Variants in RCN2 observed in about 807,000 individuals in gnomAD.
RCN2 encodes reticulocalbin-2.
In RCN2, 23 loss-of-function variants were observed where a neutral mutation model predicts 37.5. The ratio of observed to expected loss-of-function variants is 0.61; its 90% CI spans 0.44 to 0.87. The LOEUF (loss-of-function observed/expected upper bound fraction) is 0.87. Ranked by LOEUF, RCN2 falls within the 40% of genes least tolerant of loss-of-function variation. The pLI, the probability that RCN2 is intolerant of heterozygous loss-of-function variation, is 0.00. For synonymous variants in RCN2, 140 were observed against 144.6 expected, an observed-to-expected ratio of 0.97 and a Z score of 0.23; for missense variants, 381 against 390.4, an observed-to-expected ratio of 0.98 and a Z score of 0.20.
rs982403967 is a variant in RCN2, at chr15:76,951,537, G to A, written c.*2315G>A. 3.9e-5 allele frequency: 6 copies of A among 152,194 alleles called. No individual in the cohort carries two copies. Among genetic ancestry groups the A allele is most frequent in the African/African-American group, 1.4e-4 (6 of 41,436 alleles). 9.4% of individuals were successfully genotyped at this position (152,194 alleles called of 1,614,324 possible). A position where few individuals can be genotyped will look rare whatever the true frequency, so the allele number is the denominator to read the frequency against. ...GCAGAGCCCATCCTGCTGTGACTGA[G>A]TGAAGATTTCACATTTAACAATAGG... On this transcript the variant is annotated 3_prime_UTR_variant, in exon 7 of 7. Coordinates refer to ENST00000394885, the MANE Select transcript of RCN2 (RefSeq NM_002902.3).
intron 4 of RCN2, among the ~76,000 whole-genome samples, chr15:76,944,323 A>G (rs967436983): frequency 6.6e-6 from 1 of 152,150 alleles, no homozygotes; most frequent in Non-Finnish European, 1.5e-5. Context: ...TAATCAGATC[A>G]TAGACAATGA....
chr15:76,941,644 C>T (rs2075276904), intron 3 of RCN2: 2 of 1,480,168 alleles, frequency 1.4e-6, no homozygotes, highest in East Asian at 2.5e-5. Flanking sequence ...TAGGAATTTG[C>T]CATTTGTAAA....
intron 3 of RCN2, among the ~76,000 whole-genome samples, chr15:76,940,067 T>G (rs1454334387): frequency 7.9e-5 from 12 of 152,296 alleles, no homozygotes; most frequent in Admixed American, 6.5e-4. Context: ...AAGGAATAGA[T>G]TGATCCCGAA....
intron 3 of RCN2, among the ~76,000 whole-genome samples, chr15:76,937,552 C>T (rs1169155947): frequency 6.6e-6 from 1 of 152,022 alleles, no homozygotes; most frequent in East Asian, 1.9e-4. Context: ...GGATTTCAGG[C>T]TCAAGCCACC....
chr15:76,932,515 T>C, intron 2 of RCN2, 49 bp downstream of exon 2: 1 of 1,263,122 alleles, frequency 7.9e-7, no homozygotes, highest in Non-Finnish European at 1.1e-6. Context: ...ACAAATATGT[T>C]AAGCAGCGGT....
intron 3 of RCN2, among the ~76,000 whole-genome samples, chr15:76,936,463 T>C (rs1393249329): frequency 6.6e-6 from 1 of 151,802 alleles, no homozygotes; most frequent in Non-Finnish European, 1.5e-5. Context: ...TCCTAAGGAG[T>C]GCGCAACGAA....
intron 4 of RCN2, among the ~76,000 whole-genome samples, chr15:76,944,775 C>G (rs1309839567): frequency 6.6e-6 from 1 of 152,192 alleles, no homozygotes; most frequent in African/African-American, 2.4e-5. Flanking sequence ...ATCCATTCAT[C>G]TGTTGATGTA....
In RCN2 at chr15:76,953,681, C is replaced by T. The variant is rs1221741818; in HGVS notation, c.*4459C>T. 2 of 135,842 alleles carry T rather than the reference C, an allele frequency of 1.5e-5. No homozygotes were observed. Among genetic ancestry groups the T allele is most frequent in the Non-Finnish European group, 3.1e-5 (2 of 65,220 alleles). 8.4% of individuals were successfully genotyped at this position (135,842 alleles called of 1,614,324 possible). The stretch of plus-strand genomic sequence containing the variant: ...GGAGTGCAGTGGCGCGATCTCGGCT[C>T]ACTGCAGGCTCCGCCTCCCGGGTTC... On this transcript the variant is annotated 3_prime_UTR_variant, in exon 7 of 7. Transcript: ENST00000394885.
chr15:76,952,909 G>T lies in RCN2; in HGVS notation c.*3687G>T, dbSNP rs758094731. 1 of 151,968 alleles carries T rather than the reference G, an allele frequency of 6.6e-6. No individual in the cohort carries two copies. Among genetic ancestry groups the T allele is most frequent in the Non-Finnish European group, 1.5e-5 (1 of 68,312 alleles). 9.4% of individuals were successfully genotyped at this position (151,968 alleles called of 1,614,324 possible). On this transcript the variant is annotated 3_prime_UTR_variant, in exon 7 of 7. Transcript: ENST00000394885. ...GCTGGAATTACAGGCGTGAGCCACC[G>T]TGCCCAGCCTCCCATTCTAGTTTTC...
At chr15:76,945,232 C>T (rs2075292269) in intron 4 of RCN2, among the ~76,000 whole-genome samples, 1 of 152,194 alleles carries the variant, frequency 6.6e-6, no homozygotes, top group Admixed American at 6.5e-5. Flanking sequence ...TCTCTCATAA[C>T]TGTGTTACCT....
In RCN2 at chr15:76,935,566, T is replaced by C. The variant is rs752058125; in HGVS notation, c.291T>C (p.Tyr97=). ...GGATTCAGATGTCTTTTAAGCATTA[T>C]GCTATGCAAGAAGCAAAACAACAGT... ...SSWIQMSFKH[Y]AMQEAKQQFV... Residue 97 remains tyrosine (Y), a synonymous_variant, in exon 3 of 7, where the codon TAT becomes TAC. Coordinates refer to ENST00000394885, the MANE Select transcript of RCN2 (RefSeq NM_002902.3). 4.8e-5 allele frequency: 78 copies of C among 1,613,722 alleles called. No homozygotes were observed. The highest frequency in any genetic ancestry group is 5.8e-5 in the Non-Finnish European group (69 of 1,179,916).
intron 6 of RCN2, 118 bp downstream of exon 6, chr15:76,948,670 T>C (rs1467897385): frequency 2.1e-6 from 2 of 967,372 alleles, no homozygotes; most frequent in Non-Finnish European, 3.0e-6. Flanking sequence ...TTATTTGGGA[T>C]TGATGCATTA....
chr15:76,935,394 T>G (rs1422276306), intron 2 of RCN2, 132 bp from the exon 3 acceptor site: 3 of 642,264 alleles, frequency 4.7e-6, no homozygotes, highest in Non-Finnish European at 8.1e-6. Flanking sequence ...CCATTTCTAT[T>G]AATACAACTA....
At chr15:76,945,733 A>T (rs1178291968) in intron 4 of RCN2, among the ~76,000 whole-genome samples, 1 of 152,236 alleles carries the variant, frequency 6.6e-6, no homozygotes, top group Non-Finnish European at 1.5e-5. Context: ...TTAATGTGTC[A>T]TGGTAGACCC....
intron 3 of RCN2, among the ~76,000 whole-genome samples, chr15:76,940,546 CTTT>C (rs11463370): frequency 8.4e-6 from 1 of 119,630 alleles, no homozygotes; most frequent in Non-Finnish European, 1.7e-5. Flanking sequence ...TGAACTTCAC[CTTT>C]TTTTTTTTTT....
chr15:76,952,815 C>T lies in RCN2; in HGVS notation c.*3593C>T, dbSNP rs1220858803. ...TTTGTATTTAGTAGAAATGGGGTTT[C>T]ACCATGTTGGTCAAGCTGGTCTCGA... On this transcript the variant is annotated 3_prime_UTR_variant, in exon 7 of 7. Coordinates refer to ENST00000394885, the MANE Select transcript of RCN2 (RefSeq NM_002902.3). 1 of 151,968 alleles carries T rather than the reference C, an allele frequency of 6.6e-6. No homozygotes were observed. Among genetic ancestry groups the T allele is most frequent in the African/African-American group, 2.4e-5 (1 of 41,334 alleles). 9.4% of individuals were successfully genotyped at this position (151,968 alleles called of 1,614,324 possible).
chr15:76,948,685 G>C (rs1173692315), intron 6 of RCN2, 133 bp downstream of exon 6: 14 of 833,090 alleles, frequency 1.7e-5, no homozygotes, highest in African/African-American at 3.4e-5. Context: ...GCATTACTAT[G>C]TTTTGAATTT....
chr15:76,953,671 G>T lies in RCN2; in HGVS notation c.*4449G>T, dbSNP rs1263655841. The T allele has an allele frequency of 1.5e-5, 2 of 130,712 alleles. No individual in the cohort carries two copies. The highest frequency in any genetic ancestry group is 5.1e-4 in the South Asian group (2 of 3,916). 8.1% of individuals were successfully genotyped at this position (130,712 alleles called of 1,614,324 possible). ...CGCCCAGGCTGGAGTGCAGTGGCGC[G>T]ATCTCGGCTCACTGCAGGCTCCGCC... On this transcript the variant is annotated 3_prime_UTR_variant, in exon 7 of 7. Coordinates refer to ENST00000394885, the MANE Select transcript of RCN2 (RefSeq NM_002902.3).
Position 76,935,991 on chromosome 15 carries a change from G to A in RCN2, c.447+269G>A, listed in dbSNP as rs574079764. ...ATTTCCAGAGTTGCTTTTTAAATGT[G>A]TTTTGAATGAGTATCTCAATATTTT... On this transcript the variant is annotated intron_variant, in intron 3 of 6. Coordinates refer to ENST00000394885, the MANE Select transcript of RCN2 (RefSeq NM_002902.3). Among the ~76,000 whole-genome samples, 10 of 152,182 alleles carry A rather than the reference G, an allele frequency of 6.6e-5. No individual in the cohort carries two copies. The South Asian group carries it at 2.1e-3, about 32-fold the overall frequency.
Sources: gnomAD v4.1 joint callset for allele counts (sites outside exome capture counted in the v4.1 genomes callset) on GRCh38, gnomAD v4.1.1 for gene constraint, MANE v1.5 for transcripts, NCBI Gene and HGNC (gene_info 2026-07-23, HGNC 2026-07-21) for gene names.